Variants in SCAI observed in about 807,000 individuals in gnomAD.
SCAI encodes the protein suppressor of cancer cell invasion.
A neutral mutation model predicts 92.2 loss-of-function variants in SCAI; 24 were observed. The observed-to-expected ratio is 0.26, with a 90% CI of 0.19 to 0.37. The LOEUF is 0.37. Among genes scored for constraint, SCAI ranks in the 10% least tolerant of loss-of-function variants. The probability of loss-of-function intolerance (pLI) is 1.00; values close to 1 mark genes in which losing one functional copy is unlikely to be tolerated. For missense variants in SCAI, 450 were observed against 736.2 expected (o/e 0.61, Z 4.50); for synonymous variants, 261 against 258.6 (o/e 1.01, Z -0.09).
rs550736518 is a variant in SCAI, at chr9:125,131,488, T to TCC, written c.98+11143_98+11144dup. The stretch of plus-strand genomic sequence containing the variant: ...GCGCCTGAGGCTAGGCTTGTTAACC[T>TCC]CCCTCTGGCAACTCCTGGCACTCTA... On this transcript the variant is annotated intron_variant, in intron 2 of 17. Coordinates refer to ENST00000336505, the MANE Select transcript of SCAI (RefSeq NM_001144877.3). Among the ~76,000 whole-genome samples the TCC allele has an allele frequency of 2.8e-3, 424 of 151,830 alleles. 3 individuals are homozygous for TCC. Among genetic ancestry groups the TCC allele is most frequent in the African/African-American group, 9.9e-3 (411 of 41,388 alleles).
rs1317853419 is a variant in SCAI at position 125,001,960 on chromosome 9, T to C, written c.1144+5A>G. 1.2e-6 allele frequency: 2 copies of C among 1,601,572 alleles called. No individual in the cohort carries two copies. Among genetic ancestry groups the C allele is most frequent in the Non-Finnish European group, 1.7e-6 (2 of 1,168,646 alleles). On this transcript the variant is annotated splice_donor_5th_base_variant and intron_variant, in intron 12 of 17. Coordinates refer to ENST00000336505, the MANE Select transcript of SCAI (RefSeq NM_001144877.3). ...CTCACAACAGGGAGCATTCCTTTATTGTACCTTCACTATCAGAACGACCTG... is the reference window on the plus strand; with the variant it reads ...CTCACAACAGGGAGCATTCCTTTATCGTACCTTCACTATCAGAACGACCTG...
intron 2 of SCAI, among the ~76,000 whole-genome samples, chr9:125,126,392 GGTGTGTGT>G (rs3222316): frequency 8.7e-6 from 1 of 115,008 alleles, no homozygotes; most frequent in African/African-American, 3.0e-5. Context: ...GTGAGTTGGG[GGTGTGTGT>G]GTGTGTGTGT....
At chr9:124,965,374 C>T (rs909483693) in intron 17 of SCAI, among the ~76,000 whole-genome samples, 1 of 152,108 alleles carries the variant, frequency 6.6e-6, no homozygotes, top group Non-Finnish European at 1.5e-5. Context: ...GCTGAGACTA[C>T]AGGCTCACGC....
At position 125,129,752 on chromosome 9, in the gene SCAI, C is replaced by T. The variant is rs538703663; in HGVS notation, c.98+12881G>A. Among the ~76,000 whole-genome samples the T allele has an allele frequency of 1.5e-3, 224 of 151,678 alleles. 3 individuals are homozygous for T. The highest frequency in any genetic ancestry group is 2.2e-3 in the Non-Finnish European group (151 of 67,934). ...GTGCTGGGATTACAGGTGTGAGCCA[C>T]CACGCATGGGCAAAACAATTAGAAT... On this transcript the variant is annotated intron_variant, in intron 2 of 17. Transcript: ENST00000336505.
chr9:125,138,248 T>TC (rs1835582495), intron 2 of SCAI, among the ~76,000 whole-genome samples: 2 of 142,866 alleles, frequency 1.4e-5, no homozygotes, highest in African/African-American at 2.7e-5. Flanking sequence ...AACTATTATT[T>TC]CTTTTTTTTT....
intron 3 of SCAI, among the ~76,000 whole-genome samples, chr9:125,036,215 AG>A (rs1833193685): frequency 1.3e-5 from 2 of 152,162 alleles, no homozygotes; most frequent in Admixed American, 6.6e-5. Flanking sequence ...GTAAATTCAG[AG>A]GGTATGGTGG....
chr9:125,013,798 G>A (rs1245851727), intron 9 of SCAI, among the ~76,000 whole-genome samples: 2,580 of 152,058 alleles, frequency 0.017, 71 homozygotes, highest in African/African-American at 0.059. Context: ...CTGGCAAACC[G>A]AATCCAGCAG....
intron 14 of SCAI, among the ~76,000 whole-genome samples, chr9:124,990,878 C>G (rs1832104704): frequency 1.3e-5 from 2 of 152,064 alleles, no homozygotes; most frequent in Non-Finnish European, 2.9e-5. Flanking sequence ...ACCAGGACAG[C>G]ACAATACAGC....
intron 2 of SCAI, among the ~76,000 whole-genome samples, chr9:125,077,376 A>C (rs1470381670): frequency 6.6e-6 from 1 of 152,178 alleles, no homozygotes; most frequent in Non-Finnish European, 1.5e-5. Flanking sequence ...ACAGACTTTC[A>C]CTTTTTGGCT....
chr9:125,015,189 A>G (rs926129766), intron 9 of SCAI, among the ~76,000 whole-genome samples: 3 of 152,226 alleles, frequency 2.0e-5, no homozygotes, highest in Non-Finnish European at 4.4e-5. Flanking sequence ...AATGGGATCT[A>G]ATTAAACTAA....
rs140383377 is a variant in SCAI, at chr9:125,066,540, C to G, written c.99-10533G>C. Among the ~76,000 whole-genome samples the G allele has an allele frequency of 7.4e-4, 113 of 151,966 alleles. No homozygotes were observed. The East Asian group carries it at 0.021, about 28-fold the overall frequency. ...GCATGATCTCAGCTCACTGCAAACT[C>G]TGACTCCCGGGTTCACACCATTCTC... On this transcript the variant is annotated intron_variant, in intron 2 of 17. Coordinates refer to ENST00000336505, the MANE Select transcript of SCAI (RefSeq NM_001144877.3).
intron 2 of SCAI, among the ~76,000 whole-genome samples, chr9:125,061,312 C>G (rs1373956444): frequency 6.6e-6 from 1 of 152,096 alleles, no homozygotes; most frequent in Admixed American, 6.6e-5. Context: ...AAAAAAAGTC[C>G]TTAAGGGCTA....
intron 2 of SCAI, among the ~76,000 whole-genome samples, chr9:125,108,484 G>A (rs7469122): frequency 0.02 from 2,937 of 146,764 alleles, 143 homozygotes; most frequent in African/African-American, 0.073. Context: ...CTGCCCCGCC[G>A]CCCCGTCTGG....
intron 2 of SCAI, among the ~76,000 whole-genome samples, chr9:125,111,684 T>C (rs1379277483): frequency 2.0e-5 from 3 of 152,056 alleles, no homozygotes; most frequent in Non-Finnish European, 2.9e-5. Flanking sequence ...CTGGACTAAA[T>C]AGTGGTTTTC....
At chr9:125,114,617 T>TC (rs957475830) in intron 2 of SCAI, among the ~76,000 whole-genome samples, 1 of 151,984 alleles carries the variant, frequency 6.6e-6, no homozygotes, top group African/African-American at 2.4e-5. Flanking sequence ...TTTTTTTTAT[T>TC]CCCCCAGAGA....
At chr9:125,048,497 C>T (rs1833492721) in intron 3 of SCAI, among the ~76,000 whole-genome samples, 1 of 151,490 alleles carries the variant, frequency 6.6e-6, no homozygotes, top group Admixed American at 6.6e-5. Flanking sequence ...GCAGAACTAG[C>T]CTCTAAGAGA....
chr9:125,063,743 A>G (rs1260251624), intron 2 of SCAI, among the ~76,000 whole-genome samples: 2 of 151,134 alleles, frequency 1.3e-5, no homozygotes, highest in East Asian at 3.9e-4. Context: ...AGGTCAATAT[A>G]TCCCTTTTAT....
chr9:125,085,270 T>C (rs1834303837), intron 2 of SCAI, among the ~76,000 whole-genome samples: 1 of 152,142 alleles, frequency 6.6e-6, no homozygotes, highest in South Asian at 2.1e-4. Flanking sequence ...GCGGATCACC[T>C]GAGGTCAGGG....
Position 124,997,131 on chromosome 9 carries a change from T to C in SCAI, c.1245-2116A>G, listed in dbSNP as rs1456530521. ...TCATGCCATACAGGTTCAGTATTCCTAATCTGAAAATCCAAAACGAAAAAT... is the reference window on the plus strand; with the variant it reads ...TCATGCCATACAGGTTCAGTATTCCCAATCTGAAAATCCAAAACGAAAAAT... On this transcript the variant is annotated intron_variant, in intron 13 of 17. Transcript: ENST00000336505. Among the ~76,000 whole-genome samples, 60 of 152,154 alleles carry C rather than the reference T, an allele frequency of 3.9e-4. 1 individual carries two copies. The highest frequency in any genetic ancestry group is 3.9e-3 in the Admixed American group (60 of 15,270).
Sources: gnomAD v4.1 joint callset for allele counts (sites outside exome capture counted in the v4.1 genomes callset) on GRCh38, gnomAD v4.1.1 for gene constraint, MANE v1.5 for transcripts, NCBI Gene and HGNC (gene_info 2026-07-23, HGNC 2026-07-21) for gene names.